COP1: variants seen among roughly 807,000 people sequenced by gnomAD.
COP1 encodes COP1 E3 ubiquitin ligase, also known as E3 ubiquitin-protein ligase COP1.
COP1 carries 24 observed loss-of-function variants against 101.3 expected under a neutral mutation model. The observed-to-expected ratio is 0.24, with a 90% CI of 0.17 to 0.33. The LOEUF is 0.33. Ranked by LOEUF, COP1 falls within the 10% of genes least tolerant of loss-of-function variation. The pLI is 1.00. For synonymous variants in COP1, 347 were observed against 341.9 expected (o/e 1.01, Z -0.17); for missense variants, 663 against 906.2 (o/e 0.73, Z 3.45).
At chr1:175,961,975 C>T (rs1025470791) in intron 18 of COP1, among the ~76,000 whole-genome samples, 12 of 151,442 alleles carry the variant, frequency 7.9e-5, no homozygotes, top group Admixed American at 2.0e-4. Flanking sequence ...TATTAGTTAA[C>T]GAGATGAAAA....
rs1415999980 is a variant in COP1 at position 176,187,369 on chromosome 1, C to CTATA, written c.408-2681_408-2678dup. Among the ~76,000 whole-genome samples the CTATA allele has an allele frequency of 2.6e-3, 391 of 149,472 alleles. 3 individuals are homozygous for CTATA. The highest frequency in any genetic ancestry group is 9.2e-3 in the African/African-American group (373 of 40,556). On this transcript the variant is annotated intron_variant, in intron 1 of 19. Coordinates refer to ENST00000367669, the MANE Select transcript of COP1 (RefSeq NM_022457.7). ...ACATATATATACACATATATACACA[C>CTATA]TATATACACATATATATACACATAT...
chr1:176,111,483 C>T lies in COP1; in HGVS notation c.1026+5141G>A, dbSNP rs145297158. ...TAATTTTTTGTATTTTTAGTAGAGA[C>T]GGGGTTTCACCGTGTTGGCCAGGAT... is the stretch of plus-strand genomic sequence containing the variant. On this transcript the variant is annotated intron_variant, in intron 9 of 19. Transcript: ENST00000367669. Among the ~76,000 whole-genome samples, 1,325 of 152,078 alleles carry T rather than the reference C, an allele frequency of 8.7e-3. 17 individuals carry two copies. The highest frequency in any genetic ancestry group is 0.03 in the African/African-American group (1,252 of 41,504).
In COP1 at chr1:176,206,814, G is replaced by A; in HGVS notation, c.165C>T (p.Ala55=). 1 of 1,384,296 alleles carries A rather than the reference G, an allele frequency of 7.2e-7. No homozygotes were observed. Among genetic ancestry groups the A allele is most frequent in the Admixed American group, 3.8e-5 (1 of 26,510 alleles). 85.8% of individuals were successfully genotyped at this position (1,384,296 alleles called of 1,614,324 possible). The change falls in exon 1 of 20, where the codon GCC becomes GCT. Residue 55 remains alanine (A), a synonymous_variant. Transcript: ENST00000367669. ...AALVSGGVAQ[A]AGSGGLGGPV... ...GGCCCCCGAGGCCGCCCGAGCCGGC[G>A]GCCTGGGCCACCCCGCCGGACACCA...
At chr1:176,138,882 C>T (rs1690206484) in intron 6 of COP1, among the ~76,000 whole-genome samples, 1 of 152,152 alleles carries the variant, frequency 6.6e-6, no homozygotes, top group Admixed American at 6.6e-5. Context: ...CAGCAAAACA[C>T]TCCCATGGTA....
chr1:175,989,782 C>T (rs1317474360), intron 15 of COP1, among the ~76,000 whole-genome samples: 2 of 151,880 alleles, frequency 1.3e-5, no homozygotes, highest in African/African-American at 4.8e-5. Context: ...ATCTTATTTC[C>T]CATATTTGTT....
intron 8 of COP1, among the ~76,000 whole-genome samples, chr1:176,125,975 T>C (rs144162893): frequency 0.014 from 2,082 of 152,316 alleles, 55 homozygotes; most frequent in African/African-American, 0.048. Flanking sequence ...ATTTTATTTG[T>C]GGCTTTATAA....
chr1:176,071,055 T>C (rs974940759), intron 11 of COP1, among the ~76,000 whole-genome samples: 1 of 152,208 alleles, frequency 6.6e-6, no homozygotes, highest in African/African-American at 2.4e-5. Context: ...GTTTGGATAT[T>C]TGTACCTGCC....
rs536871265 is a variant in COP1, at chr1:176,075,244, TG to T, written c.1277+5907del. On this transcript the variant is annotated intron_variant, in intron 11 of 19. Transcript: ENST00000367669. ...GCCAACATACAGAAAAATAAAGGAA[TG>T]TATGATTTTTGTCTTACTCATTACT... Among the ~76,000 whole-genome samples, 382 of 152,320 alleles carry T rather than the reference TG, an allele frequency of 2.5e-3. 1 individual carries two copies. The highest frequency in any genetic ancestry group is 9.0e-3 in the African/African-American group (374 of 41,576).
intron 11 of COP1, 80 bp downstream of exon 11, chr1:176,081,072 T>C (rs1679047076): frequency 8.1e-7 from 1 of 1,234,786 alleles, no homozygotes; most frequent in Admixed American, 2.4e-5. Context: ...CTTTTAATAA[T>C]AATGGTATAA....
chr1:175,986,606 C>T (rs186516485), intron 18 of COP1, among the ~76,000 whole-genome samples: 2 of 152,134 alleles, frequency 1.3e-5, no homozygotes, highest in Admixed American at 1.3e-4. Flanking sequence ...GCTTATACTG[C>T]ACATAATCAA....
At chr1:176,184,186 T>C (rs184907482) in intron 2 of COP1, among the ~76,000 whole-genome samples, 1 of 152,300 alleles carries the variant, frequency 6.6e-6, no homozygotes, top group African/African-American at 2.4e-5. Context: ...TGGCATGATA[T>C]AATGTAAAGT....
intron 9 of COP1, among the ~76,000 whole-genome samples, chr1:176,091,738 C>T (rs376598043): frequency 6.4e-4 from 96 of 149,810 alleles, no homozygotes; most frequent in African/African-American, 2.2e-3. Context: ...GAGGTAAAAA[C>T]GTAAGAAAAA....
intron 18 of COP1, among the ~76,000 whole-genome samples, chr1:175,964,789 C>A (rs553481611): frequency 1.3e-5 from 2 of 152,280 alleles, no homozygotes; most frequent in East Asian, 3.9e-4. Context: ...ATTTAAATAT[C>A]CTTCCTTAAG....
intron 6 of COP1, among the ~76,000 whole-genome samples, chr1:176,144,073 A>C (rs1691191049): frequency 6.6e-6 from 1 of 152,156 alleles, no homozygotes; most frequent in Non-Finnish European, 1.5e-5. Context: ...CGCTATCACC[A>C]CTTCTATTCA....
chr1:176,063,659 A>G (rs934029558), intron 11 of COP1, among the ~76,000 whole-genome samples: 3 of 152,214 alleles, frequency 2.0e-5, no homozygotes, highest in African/African-American at 7.2e-5. Flanking sequence ...GTAGAAAAAC[A>G]GCCCTGTTTC....
At chr1:176,141,147 T>C (rs1056438222) in intron 6 of COP1, among the ~76,000 whole-genome samples, 2 of 152,214 alleles carry the variant, frequency 1.3e-5, no homozygotes, top group African/African-American at 4.8e-5. Context: ...TTACATATAA[T>C]TGTTCCAAAC....
At chr1:176,108,672 T>G (rs191079463) in intron 9 of COP1, among the ~76,000 whole-genome samples, 1 of 152,222 alleles carries the variant, frequency 6.6e-6, no homozygotes, top group East Asian at 1.9e-4. Context: ...AGATGATTTC[T>G]TTGGTATCTA....
At chr1:176,152,969 G>GTA (rs1692858746) in intron 5 of COP1, among the ~76,000 whole-genome samples, 2 of 152,026 alleles carry the variant, frequency 1.3e-5, no homozygotes, top group African/African-American at 4.8e-5. Flanking sequence ...ACTTCTGCTT[G>GTA]TATAGACAAC....
chr1:176,102,761 A>G lies in COP1; in HGVS notation c.1026+13863T>C, dbSNP rs147741703. Among the ~76,000 whole-genome samples, 780 of 152,302 alleles carry G rather than the reference A, an allele frequency of 5.1e-3. 2 individuals carry two copies. The highest frequency in any genetic ancestry group is 8.6e-3 in the Non-Finnish European group (583 of 68,022). ...TCTGACCCTCCTTAAACTGTTCCTAAGATCAGTGCTTGAGATATTTTGCAG... is the reference window on the plus strand; with the variant it reads ...TCTGACCCTCCTTAAACTGTTCCTAGGATCAGTGCTTGAGATATTTTGCAG... On this transcript the variant is annotated intron_variant, in intron 9 of 19. Coordinates refer to ENST00000367669, the MANE Select transcript of COP1 (RefSeq NM_022457.7).
Sources: gnomAD v4.1 joint callset for allele counts (sites outside exome capture counted in the v4.1 genomes callset) on GRCh38, gnomAD v4.1.1 for gene constraint, MANE v1.5 for transcripts, NCBI Gene and HGNC (gene_info 2026-07-23, HGNC 2026-07-21) for gene names.